The following PDE5A variants were observed in gnomAD, a reference collection of about 807,000 sequenced individuals.
PDE5A encodes the protein phosphodiesterase 5A, also known as cGMP-specific 3',5'-cyclic phosphodiesterase.
In PDE5A, 67 loss-of-function variants were observed where a neutral mutation model predicts 110.2. The ratio of observed to expected loss-of-function variants is 0.61; its 90% CI spans 0.50 to 0.75. The LOEUF is 0.75. Among genes scored for constraint, PDE5A ranks in the 30% least tolerant of loss-of-function variants. The probability of loss-of-function intolerance (pLI) is 0.00; values close to 1 mark genes in which losing one functional copy is unlikely to be tolerated. For missense variants in PDE5A, 862 were observed against 1,045.1 expected (o/e 0.82, Z 2.42); for synonymous variants, 328 against 351.2 (o/e 0.93, Z 0.74).
At chr4:119,542,908 T>C (rs1245597536) in intron 9 of PDE5A, among the ~76,000 whole-genome samples, 1 of 152,128 alleles carries the variant, frequency 6.6e-6, no homozygotes, top group African/African-American at 2.4e-5. Context: ...TTTAGATCAG[T>C]TGAGTCCCCA....
At chr4:119,598,620 A>C (rs1729234318) in intron 2 of PDE5A, among the ~76,000 whole-genome samples, 1 of 152,212 alleles carries the variant, frequency 6.6e-6, no homozygotes, top group African/African-American at 2.4e-5. Context: ...AGACATCTAT[A>C]AGACTAGACA....
chr4:119,605,016 G>C (rs1475780338), intron 2 of PDE5A, among the ~76,000 whole-genome samples: 1 of 152,034 alleles, frequency 6.6e-6, no homozygotes, highest in African/African-American at 2.4e-5. Context: ...CCAACTTGTA[G>C]CATTTTCCCC....
rs200664848 is a variant in PDE5A, at chr4:119,494,642, A to G, written c.*3959T>C. ...GGTTATTTAAAATGCCTTAAAAGCT[A>G]AGCATAATATACATAGTAACTCCTT... On this transcript the variant is annotated 3_prime_UTR_variant, in exon 21 of 21. Coordinates refer to ENST00000354960, the MANE Select transcript of PDE5A (RefSeq NM_001083.4). The G allele has an allele frequency of 2.0e-5, 3 of 152,592 alleles. No individual in the cohort carries two copies. Among genetic ancestry groups the G allele is most frequent in the African/African-American group, 4.8e-5 (2 of 41,450 alleles). 9.5% of individuals were successfully genotyped at this position (152,592 alleles called of 1,614,324 possible).
chr4:119,612,866 G>T (rs1729806597), intron 1 of PDE5A, among the ~76,000 whole-genome samples: 3 of 152,200 alleles, frequency 2.0e-5, no homozygotes, highest in African/African-American at 7.2e-5. Context: ...AGATTTTCTA[G>T]ACATAGACTA....
intron 20 of PDE5A, chr4:119,499,746 G>A (rs1725226732): frequency 6.6e-6 from 1 of 152,052 alleles, no homozygotes; most frequent in Admixed American, 6.6e-5. Context: ...TTGTAGGGAT[G>A]GGGTTTCACC....
chr4:119,567,645 G>C (rs767623489), intron 3 of PDE5A, among the ~76,000 whole-genome samples: 1 of 152,132 alleles, frequency 6.6e-6, no homozygotes, highest in Non-Finnish European at 1.5e-5. Flanking sequence ...TCTTAATGTA[G>C]GGATGCAGTC....
chr4:119,590,820 C>T (rs7659250), intron 3 of PDE5A, among the ~76,000 whole-genome samples: 117,902 of 152,070 alleles, frequency 0.78, 45,866 homozygotes, highest in East Asian at 0.89. Context: ...TAGTATTCAG[C>T]AGTCAACTAC....
rs1401313443 is a variant in PDE5A at position 119,627,601 on chromosome 4, G to C, written c.152+919C>G. ...CTATGCATCAATTCCTCAGGCTTCG[G>C]GGCACCCGCCCGCCAAGCACTCTCT... On this transcript the variant is annotated intron_variant, in intron 1 of 20. Coordinates refer to ENST00000354960, the MANE Select transcript of PDE5A (RefSeq NM_001083.4). This position sits in a 1 kb window ranked among gnomAD's most constrained non-coding sequence, Gnocchi z 4.6. 6.5e-6 allele frequency: 1 copy of C among 152,692 alleles called. No individual in the cohort carries two copies. Among genetic ancestry groups the C allele is most frequent in the Non-Finnish European group, 1.5e-5 (1 of 68,482 alleles). The allele number at this position is 152,692 out of a possible 1,614,324, so 9.5% of individuals were successfully genotyped here.
At position 119,501,252 on chromosome 4, in the gene PDE5A, T is replaced by G. The variant is rs149385790; in HGVS notation, c.2408A>C (p.Asp803Ala). Residue 803 changes from aspartate (D) to alanine (A), a missense_variant and splice_region_variant, in exon 20 of 21, where the codon GAT becomes GCT. Coordinates refer to ENST00000354960, the MANE Select transcript of PDE5A (RefSeq NM_001083.4). Reference protein sequence around the residue: ...ERKELNIEPTDLMNREKKNKI... With the variant: ...ERKELNIEPTALMNREKKNKI... Reference sequence around the variant, plus strand: ...GTTTTTCTTCTCCCTGTTCATTAGATCCTGAAAATACAAATACAGACCAGA... The same window carrying G: ...GTTTTTCTTCTCCCTGTTCATTAGAGCCTGAAAATACAAATACAGACCAGA... 8.3e-4 allele frequency: 1,320 copies of G among 1,584,858 alleles called. 1 individual carries two copies. The highest frequency in any genetic ancestry group is 1.1e-3 in the Non-Finnish European group (1,259 of 1,153,736).
intron 20 of PDE5A, chr4:119,499,710 T>TAATAGAA (rs1725225045): frequency 6.6e-6 from 1 of 152,068 alleles, no homozygotes. Flanking sequence ...CCCGCGCTTA[T>TAATAGAA]AATAGAAAAT....
rs201535164 is a variant in PDE5A, at chr4:119,494,533, C to A, written c.*4068G>T. ...TATACAGGAATCGGAGGTAAGTGTT[C>A]CTTTAAAGTGATTTTGTCATGAAAG... On this transcript the variant is annotated 3_prime_UTR_variant, in exon 21 of 21. Transcript: ENST00000354960. 1.3e-5 allele frequency: 2 copies of A among 152,432 alleles called. No homozygotes were observed. Among genetic ancestry groups the A allele is most frequent in the Non-Finnish European group, 2.9e-5 (2 of 68,018 alleles). The allele number at this position is 152,432 out of a possible 1,614,324, so 9.4% of individuals were successfully genotyped here.
At chr4:119,564,159 T>C (rs1727842299) in intron 5 of PDE5A, among the ~76,000 whole-genome samples, 1 of 152,048 alleles carries the variant, frequency 6.6e-6, no homozygotes, top group South Asian at 2.1e-4. Flanking sequence ...TATGCCATGT[T>C]ATATATTTAT....
intron 2 of PDE5A, among the ~76,000 whole-genome samples, chr4:119,600,762 A>C (rs958215177): frequency 4.6e-5 from 7 of 152,202 alleles, no homozygotes; most frequent in South Asian, 2.1e-4. Flanking sequence ...TTAGAATTTC[A>C]GCTAATAAAT....
intron 3 of PDE5A, among the ~76,000 whole-genome samples, chr4:119,592,595 T>C (rs1182998613): frequency 6.6e-6 from 1 of 152,078 alleles, no homozygotes; most frequent in African/African-American, 2.4e-5. Context: ...TTTTGGATTT[T>C]GGAATATTTG....
Position 119,501,239 on chromosome 4 carries a change from C to T in PDE5A, c.2421G>A (p.Arg807=). 1 of 1,605,272 alleles carries T rather than the reference C, an allele frequency of 6.2e-7. No homozygotes were observed. The change falls in exon 20 of 21, where the codon AGG becomes AGA. Residue 807 remains arginine, a synonymous_variant. Coordinates refer to ENST00000354960, the MANE Select transcript of PDE5A (RefSeq NM_001083.4). ...LNIEPTDLMN[R]EKKNKIPSMQ... Reference sequence around the variant, plus strand: ...TACTTGGGATTTTGTTTTTCTTCTCCCTGTTCATTAGATCCTGAAAATACA... The same window carrying T: ...TACTTGGGATTTTGTTTTTCTTCTCTCTGTTCATTAGATCCTGAAAATACA...
chr4:119,528,622 A>AAGTGACAAG (rs1310955063), intron 11 of PDE5A: 8 of 152,262 alleles, frequency 5.3e-5, no homozygotes, highest in Admixed American at 1.3e-4. Context: ...CACCCTGAAC[A>AAGTGACAAG]AGATGTTCAA....
chr4:119,507,107 CTT>C (rs1453093944), intron 16 of PDE5A, among the ~76,000 whole-genome samples: 2 of 152,022 alleles, frequency 1.3e-5, no homozygotes, highest in African/African-American at 4.8e-5. Flanking sequence ...AATGTATACT[CTT>C]ATTTTAGAAT....
At chr4:119,516,974 TTC>T (rs941352408) in intron 14 of PDE5A, 1 of 152,248 alleles carries the variant, frequency 6.6e-6, no homozygotes, top group African/African-American at 2.4e-5. Flanking sequence ...CAGTGAACTC[TTC>T]TCTCATATAT....
chr4:119,602,539 GAC>G (rs1729382329), intron 2 of PDE5A, among the ~76,000 whole-genome samples: 1 of 152,176 alleles, frequency 6.6e-6, no homozygotes, highest in Non-Finnish European at 1.5e-5. Context: ...AACAAGCATA[GAC>G]ACAGCAGTTC....
Sources: allele counts gnomAD v4.1 joint callset (sites outside exome capture counted in the v4.1 genomes callset), GRCh38; gene constraint gnomAD v4.1.1; non-coding constraint Gnocchi (gnomAD v3.1); transcripts MANE v1.5; gene names NCBI Gene and HGNC (gene_info 2026-07-23, HGNC 2026-07-21).